The following PDE4D variants were observed in gnomAD, a reference collection of about 807,000 sequenced individuals.
PDE4D encodes the protein 3',5'-cyclic-AMP phosphodiesterase 4D.
In PDE4D, 24 loss-of-function variants were observed where a neutral mutation model predicts 87.4. The observed-to-expected ratio is 0.27, with a 90% confidence interval of 0.20 to 0.39. PDE4D has a LOEUF of 0.39. Ranked by LOEUF, PDE4D falls within the 10% of genes least tolerant of loss-of-function variation. The probability of loss-of-function intolerance (pLI) is 1.00; values close to 1 mark genes in which losing one functional copy is unlikely to be tolerated. For synonymous variants in PDE4D, 384 were observed against 383.2 expected (o/e 1.00, Z -0.02); for missense variants, 714 against 1,041.0 (o/e 0.69, Z 4.32).
chr5:59,748,345 T>C (rs1483553770), intron 1 of PDE4D, among the ~76,000 whole-genome samples: 4 of 152,122 alleles, frequency 2.6e-5, no homozygotes, highest in African/African-American at 7.2e-5. Context: ...TAAAGACACA[T>C]GCACATGTAT....
intron 1 of PDE4D, among the ~76,000 whole-genome samples, chr5:60,506,697 T>A (rs892513668): frequency 6.6e-6 from 1 of 152,048 alleles, no homozygotes; most frequent in Non-Finnish European, 1.5e-5. Context: ...AATGATACTG[T>A]GGGAAGAGAA....
Position 58,974,748 on chromosome 5 carries a change from TTCA to T in PDE4D, c.2343_2345del (p.Asp781del). 1 of 1,613,664 alleles carries T rather than the reference TTCA, an allele frequency of 6.2e-7. No individual in the cohort carries two copies. Among genetic ancestry groups the T allele is most frequent in the African/African-American group, 1.3e-5 (1 of 75,020 alleles). ...CCCCTACTGCCTCCTCTTCAACCTG[TTCA>T]TCAAGGGGAATTTCAGTAGACTCTG... On this transcript the variant is annotated inframe_deletion, in exon 15 of 15. Coordinates refer to ENST00000340635, the MANE Select transcript of PDE4D (RefSeq NM_001104631.2).
At chr5:59,607,069 G>A (rs1329968925) in intron 1 of PDE4D, among the ~76,000 whole-genome samples, 2 of 151,986 alleles carry the variant, frequency 1.3e-5, no homozygotes, top group African/African-American at 2.4e-5. Context: ...AGAGATATTG[G>A]GAGGCACTTT....
At chr5:59,153,019 G>A (rs1398567725) in intron 5 of PDE4D, among the ~76,000 whole-genome samples, 1 of 152,068 alleles carries the variant, frequency 6.6e-6, no homozygotes, top group African/African-American at 2.4e-5. Context: ...TAGGGGTGGG[G>A]AGGTAGAATG....
chr5:59,513,842 G>A (rs1194653391), intron 1 of PDE4D, among the ~76,000 whole-genome samples: 2 of 152,174 alleles, frequency 1.3e-5, no homozygotes, highest in Non-Finnish European at 2.9e-5. Context: ...TGTTTCTGAA[G>A]TTCGCTGTAA....
chr5:59,424,856 G>T (rs967535848), intron 1 of PDE4D, among the ~76,000 whole-genome samples: 1 of 152,152 alleles, frequency 6.6e-6, no homozygotes, highest in Non-Finnish European at 1.5e-5. Flanking sequence ...CATGCATTTA[G>T]GCAAGAGTTC....
chr5:59,264,272 G>A (rs776370095), intron 1 of PDE4D, among the ~76,000 whole-genome samples: 11 of 151,930 alleles, frequency 7.2e-5, no homozygotes, highest in Non-Finnish European at 1.2e-4. Context: ...ACTGCTATTC[G>A]TAATTACAAG....
intron 1 of PDE4D, among the ~76,000 whole-genome samples, chr5:60,473,170 AG>A (rs1747978295): frequency 7.0e-6 from 1 of 141,946 alleles, no homozygotes; most frequent in Non-Finnish European, 1.5e-5. Flanking sequence ...GAAGGAAGGA[AG>A]GAAGGAAGGA....
At chr5:59,905,315 G>A (rs925044275) in intron 3 of PDE4D, among the ~76,000 whole-genome samples, 1 of 152,100 alleles carries the variant, frequency 6.6e-6, no homozygotes, top group East Asian at 1.9e-4. Context: ...TTATGTGCAA[G>A]TGGTCCCTGT....
At chr5:59,715,339 G>A (rs149227968) in intron 1 of PDE4D, among the ~76,000 whole-genome samples, 1 of 152,316 alleles carries the variant, frequency 6.6e-6, no homozygotes, top group African/African-American at 2.4e-5. Context: ...TAAGGACATG[G>A]GGCCTGAAGC....
chr5:59,298,722 A>G (rs987874544), intron 1 of PDE4D, among the ~76,000 whole-genome samples: 1 of 152,190 alleles, frequency 6.6e-6, no homozygotes, highest in Non-Finnish European at 1.5e-5. Context: ...TTTTGTTTTG[A>G]AGGTTTATGA....
At chr5:60,362,174 C>A (rs1434413586) in intron 1 of PDE4D, among the ~76,000 whole-genome samples, 1 of 152,270 alleles carries the variant, frequency 6.6e-6, no homozygotes, top group East Asian at 1.9e-4. Context: ...GAGCTCTGCT[C>A]AAGAGATGTG....
At chr5:59,586,632 A>G in intron 1 of PDE4D, 1 of 1,208,360 alleles carries the variant, frequency 8.3e-7, no homozygotes, top group African/African-American at 1.6e-5. Context: ...AGGTTCCACT[A>G]GTTAGTCAAC....
At chr5:59,453,598 C>T (rs1241228387) in intron 1 of PDE4D, among the ~76,000 whole-genome samples, 1 of 152,182 alleles carries the variant, frequency 6.6e-6, no homozygotes, top group African/African-American at 2.4e-5. Flanking sequence ...AAACCAGCCA[C>T]AACATTCCCT....
At chr5:60,280,418 T>C (rs552534270) in intron 1 of PDE4D, among the ~76,000 whole-genome samples, 2 of 152,098 alleles carry the variant, frequency 1.3e-5, no homozygotes, top group African/African-American at 4.8e-5. Context: ...TCCATCTTCC[T>C]GGAAGTCTCA....
At chr5:59,469,592 G>T (rs1158339292) in intron 1 of PDE4D, among the ~76,000 whole-genome samples, 4 of 152,060 alleles carry the variant, frequency 2.6e-5, no homozygotes, top group Admixed American at 6.6e-5. Context: ...GGAATAGGTG[G>T]GAGAAGGCAC....
chr5:59,754,669 A>G (rs1346848716), intron 1 of PDE4D, among the ~76,000 whole-genome samples: 1 of 152,104 alleles, frequency 6.6e-6, no homozygotes, highest in African/African-American at 2.4e-5. Context: ...CAGGGTAGAA[A>G]AATGTGGTTC....
At chr5:59,064,439 A>G (rs1258312614) in intron 5 of PDE4D, among the ~76,000 whole-genome samples, 1 of 152,080 alleles carries the variant, frequency 6.6e-6, no homozygotes, top group Non-Finnish European at 1.5e-5. Context: ...GCTAGACTAC[A>G]TAGCCTCCTA....
At chr5:59,275,487 A>G in intron 1 of PDE4D, 2 of 1,537,494 alleles carry the variant, frequency 1.3e-6, no homozygotes, top group Non-Finnish European at 1.7e-6. Flanking sequence ...AAGATTTTAA[A>G]GATATTCCAT....
Sources: gnomAD v4.1 joint callset for allele counts (sites outside exome capture counted in the v4.1 genomes callset) on GRCh38, gnomAD v4.1.1 for gene constraint, MANE v1.5 for transcripts, NCBI Gene and HGNC (gene_info 2026-07-23, HGNC 2026-07-21) for gene names.